PPEF1: variants seen among roughly 807,000 people sequenced by gnomAD.
PPEF1 encodes serine/threonine-protein phosphatase with EF-hands 1.
In PPEF1, 12 loss-of-function variants were observed where a neutral mutation model predicts 53.3. The observed-to-expected ratio is 0.23, with a 90% CI of 0.14 to 0.36. The LOEUF (loss-of-function observed/expected upper bound fraction) is 0.36, where lower values mean the gene tolerates loss of function less well. Among genes scored for constraint, PPEF1 ranks in the 10% least tolerant of loss-of-function variants. The pLI is 1.00. For missense variants in PPEF1, 334 were observed against 490.4 expected, an observed-to-expected ratio of 0.68 and a Z score of 3.01; for synonymous variants, 165 against 176.7, an observed-to-expected ratio of 0.93 and a Z score of 0.52.
At position 18,686,137 on chromosome X, in the gene PPEF1, G is replaced by A. The variant is rs1049233778; in HGVS notation, c.-519-1G>A. The A allele has an allele frequency of 8.9e-6, 1 of 112,104 alleles. No individual in the cohort carries two copies. The highest frequency in any genetic ancestry group is 1.9e-5 in the Non-Finnish European group (1 of 53,248). The allele number at this position is 112,104 out of a possible 1,213,427, so 9.2% of individuals were successfully genotyped here. ...AAATTATTATTTTTTTCTTCTAACA[G>A]TATCAGAAAGAATCTTGTAGTTGCC... On this transcript the variant is annotated splice_acceptor_variant, in intron 2 of 21. Transcript: ENST00000361511. LOFTEE classifies it low-confidence loss of function (5UTR_SPLICE).
intron 10 of PPEF1, among the ~76,000 whole-genome samples, chrX:18,795,798 T>C (rs1025711294): frequency 4.5e-5 from 5 of 112,132 alleles, no homozygotes; most frequent in Non-Finnish European, 9.4e-5. Context: ...AAGAGGACAC[T>C]GAAGCTCACA....
At chrX:18,707,167 C>T (rs753884213), upstream of PPEF1, among the ~76,000 whole-genome samples, 30 of 111,071 alleles carry the variant, frequency 2.7e-4, no homozygotes, top group South Asian at 0.011. Flanking sequence ...ACTTATTCCG[C>T]GAAATACTGT....
chrX:18,685,434 C>T (rs927248187), intron 2 of PPEF1, among the ~76,000 whole-genome samples: 3 of 111,250 alleles, frequency 2.7e-5, no homozygotes, highest in Non-Finnish European at 3.8e-5. Flanking sequence ...GCCTGTAATC[C>T]CAGCACTTTG....
chrX:18,707,785 G>A lies in PPEF1; in HGVS notation c.5G>A (p.Gly2Glu). M[G>E]CSSSSTKTRR... The stretch of plus-strand genomic sequence containing the variant: ...CATATGATTTAGATAGAAGTCATGG[G>A]ATGCAGCAGTTCTTCAACGAAAACC... Residue 2 changes from glycine (G) to glutamate (E), a missense_variant, in exon 1 of 16, where the codon GGA (glycine) becomes GAA (glutamate). Coordinates refer to ENST00000470157, the MANE Select transcript of PPEF1 (RefSeq NM_001377996.1). 8.3e-7 allele frequency: 1 copy of A among 1,207,870 alleles called. No individual in the cohort carries two copies. The highest frequency in any genetic ancestry group is 3.0e-5 in the East Asian group (1 of 33,815).
chrX:18,825,175 A>G (rs1765122106), intron 14 of PPEF1, among the ~76,000 whole-genome samples: 1 of 111,964 alleles, frequency 8.9e-6, no homozygotes. Flanking sequence ...TATGACATTG[A>G]GCTGAAAAGG....
At chrX:18,814,519 C>T (rs1296338271) in intron 12 of PPEF1, among the ~76,000 whole-genome samples, 1 of 111,674 alleles carries the variant, frequency 9.0e-6, no homozygotes, top group Non-Finnish European at 1.9e-5. Flanking sequence ...TTTTTGACTT[C>T]TGAATAATAG....
intron 3 of PPEF1, among the ~76,000 whole-genome samples, chrX:18,742,819 A>C (rs2045210218): frequency 9.3e-6 from 1 of 108,073 alleles, no homozygotes; most frequent in Non-Finnish European, 1.9e-5. Context: ...ACTGCACTCC[A>C]GCCTGGGTGA....
chrX:18,728,796 A>G (rs1356147557), intron 1 of PPEF1, among the ~76,000 whole-genome samples: 1 of 111,579 alleles, frequency 9.0e-6, no homozygotes, highest in Non-Finnish European at 1.9e-5. Context: ...GTACTAAACC[A>G]GAGGATGCTG....
Position 18,702,306 on chromosome X carries a change from G to A in PPEF1, c.-123+1871G>A, listed in dbSNP as rs1432357451. ...TGCTTCACTCCCACTGTGGTGGTCG[G>A]GGGTGGGGGTAGAGGGTGTTGGTAT... On this transcript the variant is annotated intron_variant, in intron 6 of 21. Coordinates refer to the PPEF1 transcript ENST00000361511. Among the ~76,000 whole-genome samples the A allele has an allele frequency of 6.3e-5, 7 of 110,429 alleles. No homozygotes were observed. In the Admixed American group the frequency reaches 6.9e-4, roughly 11 times the overall value.
In PPEF1 at chrX:18,707,674, A is replaced by G. The variant is rs560944202; in HGVS notation, c.-107A>G. On this transcript the variant is annotated 5_prime_UTR_variant, in exon 1 of 16. Coordinates refer to ENST00000470157, the MANE Select transcript of PPEF1 (RefSeq NM_001377996.1). Reference sequence around the variant, plus strand: ...TCCTCATTAGAATCTATGACTGAAGAGGATCGGCTAAGAGTGGTTCCTCGC... The same window carrying G: ...TCCTCATTAGAATCTATGACTGAAGGGGATCGGCTAAGAGTGGTTCCTCGC... 1.5e-6 allele frequency: 1 copy of G among 673,659 alleles called. No homozygotes were observed. The highest frequency in any genetic ancestry group is 2.8e-5 in the South Asian group (1 of 36,158). The allele number at this position is 673,659 out of a possible 1,213,427, so 55.5% of individuals were successfully genotyped here.
At chrX:18,767,798 AG>A (rs1230652858) in intron 6 of PPEF1, among the ~76,000 whole-genome samples, 2 of 110,651 alleles carry the variant, frequency 1.8e-5, no homozygotes, top group Admixed American at 9.7e-5. Context: ...TAAGGAAGAA[AG>A]GAAGAAGCAC....
chrX:18,818,513 G>C (rs1241952183), intron 13 of PPEF1, among the ~76,000 whole-genome samples: 1 of 109,735 alleles, frequency 9.1e-6, no homozygotes, highest in African/African-American at 3.3e-5. Context: ...TAGGATTATA[G>C]GCATACACCA....
At chrX:18,770,405 G>A (rs1187941349) in intron 6 of PPEF1, among the ~76,000 whole-genome samples, 2 of 111,368 alleles carry the variant, frequency 1.8e-5, no homozygotes, top group African/African-American at 6.5e-5. Flanking sequence ...TGTCTTGAGG[G>A]GCTTAACACT....
upstream of PPEF1, among the ~76,000 whole-genome samples, chrX:18,680,648 G>T (rs1452955770): frequency 9.1e-6 from 1 of 109,495 alleles, no homozygotes. Flanking sequence ...TTAAGTTTCA[G>T]GGTACATGTG....
chrX:18,822,032 G>C (rs907981436), intron 13 of PPEF1, among the ~76,000 whole-genome samples: 2 of 111,228 alleles, frequency 1.8e-5, no homozygotes, highest in African/African-American at 6.5e-5. Context: ...GGAGAGGATG[G>C]AGCCACCCAC....
At chrX:18,748,570 G>C (rs1037627848) in intron 3 of PPEF1, among the ~76,000 whole-genome samples, 2 of 112,286 alleles carry the variant, frequency 1.8e-5, no homozygotes, top group African/African-American at 6.5e-5. Flanking sequence ...ATTTCTTTTT[G>C]CTAACAAGTC....
At chrX:18,699,847 C>T (rs147815186) in intron 5 of PPEF1, among the ~76,000 whole-genome samples, 55 of 112,573 alleles carry the variant, frequency 4.9e-4, no homozygotes, top group African/African-American at 1.7e-3. Context: ...CTTAATTGTA[C>T]CAGGTTAATG....
At chrX:18,679,134 C>T (rs910096816), upstream of PPEF1, among the ~76,000 whole-genome samples, 2 of 112,315 alleles carry the variant, frequency 1.8e-5, no homozygotes, top group African/African-American at 6.5e-5. Flanking sequence ...AGTGCAGCAG[C>T]GCCATCTTAG....
chrX:18,721,902 C>A (rs767073000), intron 1 of PPEF1, among the ~76,000 whole-genome samples: 10 of 112,086 alleles, frequency 8.9e-5, no homozygotes, highest in Non-Finnish European at 1.7e-4. Context: ...GGACTTCACA[C>A]TTTACTCTCT....
Sources: gnomAD v4.1 joint callset for allele counts (sites outside exome capture counted in the v4.1 genomes callset) on GRCh38, gnomAD v4.1.1 for gene constraint, MANE v1.5 for transcripts, NCBI Gene and HGNC (gene_info 2026-07-23, HGNC 2026-07-21) for gene names.